RPL28: variants seen among roughly 807,000 people sequenced by gnomAD.
RPL28 encodes large ribosomal subunit protein eL28.
Under a neutral mutation model 12.5 loss-of-function variants are expected in RPL28, and 4 were observed. That is an observed-to-expected ratio of 0.32 (90% CI 0.16 to 0.73). The LOEUF is 0.73. Ranked by LOEUF, RPL28 falls within the 30% of genes least tolerant of loss-of-function variation. The pLI is 0.66. For missense variants in RPL28, 214 were observed against 197.7 expected, an observed-to-expected ratio of 1.08 and a Z score of -0.49; for synonymous variants, 91 against 72.5, an observed-to-expected ratio of 1.26 and a Z score of -1.30.
In RPL28 at chr19:55,388,300, A is replaced by C; in HGVS notation, c.382A>C (p.Arg128=). ...CAGCCAGAAGCCTGTGATGGTGAAG[A>C]GGAAGCGGACCCGCCCCACCAAGAG... ...LRSQKPVMVK[R]KRTRPTKSS is the part of the protein sequence containing the mutation. Residue 128 remains arginine, a synonymous_variant, in exon 5 of 5, where the codon AGG becomes CGG. Transcript: ENST00000344063. The C allele has an allele frequency of 6.3e-7, 1 of 1,583,534 alleles. No individual in the cohort carries two copies.
At chr19:55,395,645 G>C (rs182458978), downstream of RPL28, among the ~76,000 whole-genome samples, 1 of 149,954 alleles carries the variant, frequency 6.7e-6, no homozygotes, top group Non-Finnish European at 1.5e-5. Context: ...GGGTTTCACT[G>C]TGTTAGCCAG....
intron 4 of RPL28, chr19:55,401,290 C>T (rs1041748378): frequency 6.6e-6 from 6 of 912,176 alleles, no homozygotes; most frequent in African/African-American, 1.7e-5. Flanking sequence ...AGCTGCTTTT[C>T]CAACTTTATT....
Position 55,389,316 on chromosome 19 carries a change from CCACCACTACACTCCAGCCTGGAAGA to C in RPL28, c.*990_*1014del. ...TGAGGCTGCAGTGAGCCCATGAGCC[CCACCACTACACTCCAGCCTGGAAGA>C]CACCATGACACACAGTGAGGCCTGG... is the stretch of plus-strand genomic sequence containing the variant. On this transcript the variant is annotated 3_prime_UTR_variant, in exon 5 of 5. Coordinates refer to ENST00000344063, the MANE Select transcript of RPL28 (RefSeq NM_000991.5). 1 of 974,606 alleles carries C rather than the reference CCACCACTACACTCCAGCCTGGAAGA, an allele frequency of 1.0e-6. No homozygotes were observed. Among genetic ancestry groups the C allele is most frequent in the African/African-American group, 1.8e-5 (1 of 56,850 alleles). The allele number at this position is 974,606 out of a possible 1,614,324, so 60.4% of individuals were successfully genotyped here.
chr19:55,401,859 G>T, intron 4 of RPL28: 1 of 1,310,198 alleles, frequency 7.6e-7, no homozygotes. Flanking sequence ...TGTTCCTTCT[G>T]CTCCCAACTC....
At position 55,386,374 on chromosome 19, in the gene RPL28, A is replaced by C. The variant is rs1346428838; in HGVS notation, c.17A>C (p.Gln6Pro). The C allele has an allele frequency of 6.2e-7, 1 of 1,614,058 alleles. No homozygotes were observed. Reference protein sequence around the residue: MSAHLQWMVVRNCSSF... With the variant: MSAHLPWMVVRNCSSF... ...GCCGCCGCCATGTCTGCGCATCTGC[A>C]ATGGATGGTCGTGCGGAACTGCTCC... Residue 6 changes from glutamine to proline, a missense_variant, in exon 2 of 5, where the codon CAA becomes CCA. Gln to Pro is a moderately conservative substitution (Grantham distance 76). Transcript: ENST00000344063.
rs2089969623 is a variant in RPL28, at chr19:55,389,544, G to A, written c.*1212G>A. 1 of 985,348 alleles carries A rather than the reference G, an allele frequency of 1.0e-6. No homozygotes were observed. The highest frequency in any genetic ancestry group is 1.7e-5 in the African/African-American group (1 of 57,226). 61.0% of individuals were successfully genotyped at this position (985,348 alleles called of 1,614,324 possible). ...TGAGACCACCCCCGGCTCTGACTGAGAGTAAGGGGACTGTCAGGGCCTCGA... is the reference window on the plus strand; with the variant it reads ...TGAGACCACCCCCGGCTCTGACTGAAAGTAAGGGGACTGTCAGGGCCTCGA... On this transcript the variant is annotated 3_prime_UTR_variant, in exon 5 of 5. Transcript: ENST00000344063.
chr19:55,387,059 C>G (rs1019111337), intron 3 of RPL28: 31 of 1,430,006 alleles, frequency 2.2e-5, no homozygotes, highest in Middle Eastern at 5.1e-4. Flanking sequence ...GGGAGGGGCC[C>G]TCGCTACCAC....
chr19:55,395,803 A>G (rs774349265), downstream of RPL28, among the ~76,000 whole-genome samples: 14 of 152,122 alleles, frequency 9.2e-5, no homozygotes, highest in Non-Finnish European at 1.9e-4. Flanking sequence ...TCATTCTTGT[A>G]TCTGGGACAA....
Position 55,389,006 on chromosome 19 carries a change from T to C in RPL28, c.*674T>C, listed in dbSNP as rs1600304540. 2.0e-6 allele frequency: 2 copies of C among 985,116 alleles called. No individual in the cohort carries two copies. The highest frequency in any genetic ancestry group is 2.4e-6 in the Non-Finnish European group (2 of 829,634). The allele number at this position is 985,116 out of a possible 1,614,324, so 61.0% of individuals were successfully genotyped here. A position where few individuals can be genotyped will look rare whatever the true frequency, so the allele number is the denominator to read the frequency against. On this transcript the variant is annotated 3_prime_UTR_variant, in exon 5 of 5. Coordinates refer to ENST00000344063, the MANE Select transcript of RPL28 (RefSeq NM_000991.5). ...GTGTCCCCATCCCTCCCCTGTCTCT[T>C]TGAGCTGGCTCTTGTCACTTAGGTC... is the stretch of plus-strand genomic sequence containing the variant.
At chr19:55,401,106 C>G in intron 4 of RPL28, 1 of 371,322 alleles carries the variant, frequency 2.7e-6, no homozygotes, top group South Asian at 3.7e-5. Context: ...ACCGCTCTAC[C>G]TCCACAGAAC....
At chr19:55,396,318 C>G (rs1257446486), downstream of RPL28, among the ~76,000 whole-genome samples, 1 of 151,188 alleles carries the variant, frequency 6.6e-6, no homozygotes, top group Non-Finnish European at 1.5e-5. Context: ...AGCATACACA[C>G]AGAAAAGTGC....
rs7255808 is a variant in RPL28, at chr19:55,391,015, A to G, written c.*2683A>G. 3.3e-3 allele frequency: 3,177 copies of G among 955,906 alleles called. 61 individuals carry two copies. The African/African-American group carries it at 0.037, about 11-fold the overall frequency. The allele number at this position is 955,906 out of a possible 1,614,324, so 59.2% of individuals were successfully genotyped here. On this transcript the variant is annotated 3_prime_UTR_variant, in exon 5 of 5. Transcript: ENST00000344063. ...GAAAACAGGCAGGCTCACCATAGTA[A>G]AAATGCTGAAAGCCAAAGACAAAAT... is the stretch of plus-strand genomic sequence containing the variant.
At chr19:55,386,144 G>C (rs1384670609) in intron 1 of RPL28, 179 bp downstream of exon 1, 4 of 581,220 alleles carry the variant, frequency 6.9e-6, no homozygotes, top group South Asian at 6.1e-5. Flanking sequence ...GCCGCAGCTA[G>C]TCTCGGCTGC....
At chr19:55,402,734 G>A (rs1015425478) in intron 4 of RPL28, among the ~76,000 whole-genome samples, 3 of 152,172 alleles carry the variant, frequency 2.0e-5, no homozygotes, top group African/African-American at 7.2e-5. Flanking sequence ...CAGCAAGTAG[G>A]CCTGGAGCTC....
chr19:55,386,533 C>T (rs1468958468), intron 2 of RPL28, 37 bp from the exon 3 acceptor site: 5 of 1,599,122 alleles, frequency 3.1e-6, no homozygotes, highest in Non-Finnish European at 4.3e-6. Flanking sequence ...GTCTCCGGGT[C>T]CCTTATTCAC....
chr19:55,395,175 C>T (rs62128189), downstream of RPL28, among the ~76,000 whole-genome samples: 107 of 151,856 alleles, frequency 7.0e-4, no homozygotes, highest in Non-Finnish European at 1.3e-3. Context: ...TCACTCTTGT[C>T]GCCCAGGCTG....
Position 55,386,564 on chromosome 19 carries a change from T to C in RPL28, c.82-6T>C. The C allele has an allele frequency of 6.2e-7, 1 of 1,603,296 alleles. No individual in the cohort carries two copies. Among genetic ancestry groups the C allele is most frequent in the African/African-American group, 1.3e-5 (1 of 74,758 alleles). On this transcript the variant is annotated splice_region_variant and splice_polypyrimidine_tract_variant and intron_variant, in intron 2 of 4. Coordinates refer to ENST00000344063, the MANE Select transcript of RPL28 (RefSeq NM_000991.5). ...TTCACGATGCCTTGTGCCGCCTCCTTCCCAGGAGCCCAATAACTTGAAGGC... is the reference window on the plus strand; with the variant it reads ...TTCACGATGCCTTGTGCCGCCTCCTCCCCAGGAGCCCAATAACTTGAAGGC...
intron 1 of RPL28, 152 bp from the exon 2 acceptor site, chr19:55,386,198 C>G: frequency 1.5e-6 from 1 of 683,666 alleles, no homozygotes; most frequent in Admixed American, 2.5e-5. Flanking sequence ...TCCCGCCTGA[C>G]AAGAGTTCTA....
At position 55,390,735 on chromosome 19, in the gene RPL28, C is replaced by G. The variant is rs1441333390; in HGVS notation, c.*2403C>G. ...TGTGGCTGGGCTGGGGAGGCCACGT[C>G]TGGTATCTGAATGCTATCGGTGGGT... On this transcript the variant is annotated 3_prime_UTR_variant, in exon 5 of 5. Coordinates refer to ENST00000344063, the MANE Select transcript of RPL28 (RefSeq NM_000991.5). 2.0e-6 allele frequency: 2 copies of G among 985,310 alleles called. No individual in the cohort carries two copies. Among genetic ancestry groups the G allele is most frequent in the East Asian group, 1.1e-4 (1 of 8,826 alleles). The allele number at this position is 985,310 out of a possible 1,614,324, so 61.0% of individuals were successfully genotyped here. A position where few individuals can be genotyped will look rare whatever the true frequency, so the allele number is the denominator to read the frequency against.
Sources: allele counts gnomAD v4.1 joint callset (sites outside exome capture counted in the v4.1 genomes callset), GRCh38; gene constraint gnomAD v4.1.1; transcripts MANE v1.5; gene names NCBI Gene and HGNC (gene_info 2026-07-23, HGNC 2026-07-21).